Variants in CALN1 observed in about 807,000 individuals in gnomAD.
The protein encoded by CALN1 is calneuron 1.
A neutral mutation model predicts 30.6 loss-of-function variants in CALN1; 17 were observed. That is an observed-to-expected ratio of 0.56 (90% CI 0.38 to 0.83). The LOEUF (loss-of-function observed/expected upper bound fraction) is 0.83, where lower values mean the gene tolerates loss of function less well. CALN1 is among the 40% of genes least tolerant of loss of function. CALN1 has a pLI of 0.00. For synonymous variants in CALN1, 156 were observed against 131.4 expected (o/e 1.19, Z -1.28); for missense variants, 291 against 354.9 (o/e 0.82, Z 1.45).
At chr7:72,098,770 A>G (rs1313713022) in intron 4 of CALN1, among the ~76,000 whole-genome samples, 1 of 84,906 alleles carries the variant, frequency 1.2e-5, no homozygotes, top group Non-Finnish European at 3.2e-5. Flanking sequence ...GCGCGCACAC[A>G]CACACACACA....
intron 2 of CALN1, among the ~76,000 whole-genome samples, chr7:72,399,846 C>G (rs1806219737): frequency 6.6e-6 from 1 of 152,202 alleles, no homozygotes; most frequent in South Asian, 2.1e-4. Context: ...AGGCGGATGC[C>G]TCATGAATGC....
At chr7:71,977,108 AC>A (rs1392252728) in intron 5 of CALN1, among the ~76,000 whole-genome samples, 1 of 152,148 alleles carries the variant, frequency 6.6e-6, no homozygotes, top group Admixed American at 6.5e-5. Flanking sequence ...TTTCTAAAAA[AC>A]CTGATGTCAT....
At chr7:71,927,492 G>A (rs1241434627) in intron 5 of CALN1, among the ~76,000 whole-genome samples, 3 of 152,310 alleles carry the variant, frequency 2.0e-5, no homozygotes, top group East Asian at 1.9e-4. Flanking sequence ...TTACAAGCAT[G>A]AGCCACTGTG....
chr7:72,167,797 T>C (rs1788632163), intron 3 of CALN1, among the ~76,000 whole-genome samples: 1 of 152,230 alleles, frequency 6.6e-6, no homozygotes, highest in Non-Finnish European at 1.5e-5. Flanking sequence ...TTCCAACCTA[T>C]TTAGTTTGGC....
intron 2 of CALN1, among the ~76,000 whole-genome samples, chr7:72,324,613 C>T (rs2129557566): frequency 6.6e-6 from 1 of 151,726 alleles, no homozygotes; most frequent in East Asian, 1.9e-4. Flanking sequence ...GACAGAGTCT[C>T]CCTCTGTTGG....
chr7:71,886,538 G>A (rs190353126), intron 5 of CALN1, among the ~76,000 whole-genome samples: 209 of 152,156 alleles, frequency 1.4e-3, no homozygotes, highest in African/African-American at 4.6e-3. Flanking sequence ...TTTGGGAGGC[G>A]AAGACAGGCA....
intron 2 of CALN1, among the ~76,000 whole-genome samples, chr7:72,350,012 T>C (rs1349064538): frequency 6.6e-6 from 1 of 152,224 alleles, no homozygotes; most frequent in African/African-American, 2.4e-5. Flanking sequence ...TGTCAGGATC[T>C]ACGTCCAGAA....
rs1798025549 is a variant in CALN1, at chr7:72,285,471, C to CTGACCTTG, written c.120-6669_120-6662dup. On this transcript the variant is annotated intron_variant, in intron 2 of 6. Transcript: ENST00000395275. The stretch of plus-strand genomic sequence containing the variant: ...TGTTGGCCAGGATAGTCTCGATCTC[C>CTGACCTTG]TGACCTTGTGATCTGCCCGCCTCGG... 5.3e-5 allele frequency among the ~76,000 whole-genome samples: 8 copies of CTGACCTTG among 152,234 alleles called. No individual in the cohort carries two copies. In the South Asian group the frequency reaches 1.7e-3, roughly 32 times the overall value.
chr7:72,494,614 TGC>T, the CALN1 span, among the ~76,000 whole-genome samples: 1 of 152,056 alleles, frequency 6.6e-6, no homozygotes, highest in South Asian at 2.1e-4. Context: ...CGTTGGCCCA[TGC>T]CTGTAGCCCC....
the CALN1 span, among the ~76,000 whole-genome samples, chr7:72,502,676 T>C: frequency 0.57 from 87,114 of 151,904 alleles, 26,345 homozygotes; most frequent in African/African-American, 0.78. Flanking sequence ...CTTTCTTATA[T>C]CCCTTCCCTC....
chr7:72,376,448 G>C (rs749728639), intron 2 of CALN1, among the ~76,000 whole-genome samples: 1 of 152,128 alleles, frequency 6.6e-6, no homozygotes, highest in African/African-American at 2.4e-5. Context: ...GTTTTGATTT[G>C]TATTTCTCTA....
intron 2 of CALN1, among the ~76,000 whole-genome samples, chr7:72,349,813 C>T (rs1802830200): frequency 1.3e-5 from 2 of 152,146 alleles, no homozygotes; most frequent in African/African-American, 4.8e-5. Flanking sequence ...TTAATTTAAG[C>T]ACCTTATAGA....
chr7:71,984,268 T>C (rs1384641632), intron 5 of CALN1, among the ~76,000 whole-genome samples: 2 of 152,096 alleles, frequency 1.3e-5, no homozygotes, highest in Admixed American at 1.3e-4. Flanking sequence ...ACCATTTAAA[T>C]GAGAAGGCCA....
intron 3 of CALN1, among the ~76,000 whole-genome samples, chr7:72,217,734 A>G (rs1291509528): frequency 1.3e-5 from 2 of 151,124 alleles, no homozygotes; most frequent in Non-Finnish European, 2.9e-5. Context: ...TCCTAATGCT[A>G]TGGGAGGCTT....
At chr7:72,396,235 TAAAAAAAAA>T (rs55683543) in intron 2 of CALN1, among the ~76,000 whole-genome samples, 1 of 53,344 alleles carries the variant, frequency 1.9e-5, no homozygotes, top group Non-Finnish European at 3.2e-5. Context: ...TTGTCTCTAC[TAAAAAAAAA>T]AAAAAAAAAA....
At chr7:71,980,881 T>C (rs1361502024) in intron 5 of CALN1, among the ~76,000 whole-genome samples, 1 of 152,026 alleles carries the variant, frequency 6.6e-6, no homozygotes, top group African/African-American at 2.4e-5. Flanking sequence ...TGGGCTCAGC[T>C]CATTCCTTGA....
intron 2 of CALN1, among the ~76,000 whole-genome samples, chr7:72,279,301 A>T (rs771358821): frequency 7.2e-5 from 11 of 152,212 alleles, no homozygotes; most frequent in Admixed American, 1.3e-4. Flanking sequence ...CACAGCACTC[A>T]AAACAGGTAG....
intron 5 of CALN1, among the ~76,000 whole-genome samples, chr7:72,013,318 C>T (rs1269922214): frequency 7.5e-6 from 1 of 132,520 alleles, no homozygotes; most frequent in Admixed American, 8.9e-5. Context: ...GTGACGTGAT[C>T]ATGGCTCACT....
intron 3 of CALN1, among the ~76,000 whole-genome samples, chr7:72,228,226 A>G (rs1194209592): frequency 6.6e-6 from 1 of 151,878 alleles, no homozygotes; most frequent in South Asian, 2.1e-4. Context: ...GAGAGAATGT[A>G]GTGTTTCCAG....
Sources: gnomAD v4.1 joint callset for allele counts (sites outside exome capture counted in the v4.1 genomes callset) on GRCh38, gnomAD v4.1.1 for gene constraint, MANE v1.5 for transcripts, NCBI Gene and HGNC (gene_info 2026-07-23, HGNC 2026-07-21) for gene names.